The following PRELID2 variants were observed in gnomAD, a reference collection of about 807,000 sequenced individuals.
PRELID2 encodes PRELI domain-containing protein 2.
PRELID2 carries 25 observed loss-of-function variants against 28.4 expected under a neutral mutation model. That is an observed-to-expected ratio of 0.88 (90% confidence interval 0.64 to 1.23). PRELID2 has a LOEUF of 1.23. Ranked by LOEUF, PRELID2 falls within the 50% of genes most tolerant of loss-of-function variation. PRELID2 has a pLI of 0.00. For synonymous variants in PRELID2, 76 were observed against 71.6 expected, an observed-to-expected ratio of 1.06 and a Z score of -0.31; for missense variants, 201 against 214.4, an observed-to-expected ratio of 0.94 and a Z score of 0.39.
chr5:145,661,301 CT>C (rs1754488090), intron 1 of PRELID2, among the ~76,000 whole-genome samples: 1 of 152,138 alleles, frequency 6.6e-6, no homozygotes, highest in Non-Finnish European at 1.5e-5. Context: ...CATACGGTCT[CT>C]TTTGGCACCA....
intron 1 of PRELID2, among the ~76,000 whole-genome samples, chr5:145,623,099 T>C (rs550289565): frequency 9.9e-5 from 15 of 152,036 alleles, no homozygotes; most frequent in Middle Eastern, 3.4e-3. Context: ...AATAATAAGA[T>C]AGTTTGGTGG....
the PRELID2 span, among the ~76,000 whole-genome samples, chr5:145,374,483 T>C: frequency 1.3e-5 from 2 of 152,070 alleles, no homozygotes; most frequent in South Asian, 2.1e-4. Flanking sequence ...TCATGGAGTA[T>C]CTTAGTGGTT....
At chr5:145,585,481 T>G (rs1379176742) in intron 1 of PRELID2, among the ~76,000 whole-genome samples, 1 of 152,112 alleles carries the variant, frequency 6.6e-6, no homozygotes, top group Non-Finnish European at 1.5e-5. Context: ...ATAACAATAA[T>G]TAATAGTTAA....
At chr5:145,579,034 G>T (rs1438224036) in intron 1 of PRELID2, among the ~76,000 whole-genome samples, 1 of 151,974 alleles carries the variant, frequency 6.6e-6, no homozygotes, top group Non-Finnish European at 1.5e-5. Context: ...TCAGTTGTAT[G>T]GGCCATGAGT....
chr5:145,640,268 C>T (rs978169542), intron 1 of PRELID2, among the ~76,000 whole-genome samples: 2 of 151,918 alleles, frequency 1.3e-5, no homozygotes, highest in African/African-American at 4.8e-5. Flanking sequence ...GGGCGGATCA[C>T]GAGGTCAGGA....
chr5:145,247,183 A>G, the PRELID2 span, among the ~76,000 whole-genome samples: 8 of 152,052 alleles, frequency 5.3e-5, no homozygotes, highest in African/African-American at 1.9e-4. Context: ...CAGCAAGAAA[A>G]CTTCACTTTG....
At chr5:145,794,342 T>C (rs1193359562) in intron 5 of PRELID2, among the ~76,000 whole-genome samples, 3 of 152,186 alleles carry the variant, frequency 2.0e-5, no homozygotes, top group Admixed American at 6.6e-5. Context: ...TTCTGTTACT[T>C]GCAACCAAAT....
chr5:145,591,599 T>C (rs1753227882), intron 1 of PRELID2, among the ~76,000 whole-genome samples: 1 of 152,100 alleles, frequency 6.6e-6, no homozygotes, highest in Non-Finnish European at 1.5e-5. Flanking sequence ...CTGACAAAAA[T>C]GTTCAGGCTT....
At chr5:145,725,079 A>G (rs1262145021) in intron 1 of PRELID2, among the ~76,000 whole-genome samples, 1 of 152,016 alleles carries the variant, frequency 6.6e-6, no homozygotes, top group Non-Finnish European at 1.5e-5. Context: ...CTGTTTGACA[A>G]TAATATGAAC....
At chr5:145,332,627 A>C in the PRELID2 span, among the ~76,000 whole-genome samples, 3 of 151,914 alleles carry the variant, frequency 2.0e-5, no homozygotes, top group Non-Finnish European at 2.9e-5. Context: ...CAGGTCATTT[A>C]TGTTCTTCTC....
At chr5:145,831,750 C>T (rs1046746166) in intron 1 of PRELID2, among the ~76,000 whole-genome samples, 2 of 152,200 alleles carry the variant, frequency 1.3e-5, no homozygotes, top group Non-Finnish European at 2.9e-5. Flanking sequence ...GTTCTGCCTT[C>T]CATTTCCCAG....
chr5:145,824,302 C>T (rs917733356), intron 1 of PRELID2, among the ~76,000 whole-genome samples: 4 of 152,098 alleles, frequency 2.6e-5, no homozygotes, highest in African/African-American at 9.7e-5. Context: ...AAGGCAAAAG[C>T]AGCAGGCAGG....
chr5:145,696,798 T>C (rs1368071085), intron 1 of PRELID2, among the ~76,000 whole-genome samples: 1 of 151,908 alleles, frequency 6.6e-6, no homozygotes. Flanking sequence ...ATTACAGTTC[T>C]TAACATTCCC....
At chr5:145,748,895 A>G (rs1472151466) in intron 1 of PRELID2, among the ~76,000 whole-genome samples, 1 of 152,184 alleles carries the variant, frequency 6.6e-6, no homozygotes, top group Non-Finnish European at 1.5e-5. Flanking sequence ...TATTTAATAA[A>G]TGGTGCTAGG....
the PRELID2 span, among the ~76,000 whole-genome samples, chr5:145,239,263 T>C: frequency 5.3e-5 from 8 of 152,006 alleles, no homozygotes; most frequent in African/African-American, 1.7e-4. Flanking sequence ...AATGAGCAAT[T>C]AAATGTTAAA....
At chr5:145,701,670 T>C (rs1755410013) in intron 1 of PRELID2, among the ~76,000 whole-genome samples, 1 of 152,238 alleles carries the variant, frequency 6.6e-6, no homozygotes, top group African/African-American at 2.4e-5. Context: ...AAATGACCTG[T>C]AAATCATTAT....
chr5:145,454,476 G>C, the PRELID2 span, among the ~76,000 whole-genome samples: 1 of 152,188 alleles, frequency 6.6e-6, no homozygotes, highest in African/African-American at 2.4e-5. Context: ...ATTAGGAAAA[G>C]AGGAAGTCAA....
At position 145,744,862 on chromosome 5, in the gene PRELID2, T is replaced by A. The variant is rs192034444; in HGVS notation, n.70+20069A>T. Among the ~76,000 whole-genome samples the A allele has an allele frequency of 4.0e-3, 606 of 152,006 alleles. 7 individuals are homozygous for A. Among genetic ancestry groups the A allele is most frequent in the Admixed American group, 3.8e-3 (58 of 15,252 alleles). On this transcript the variant is annotated intron_variant and non_coding_transcript_variant, in intron 1 of 2. Transcript: ENST00000510259. ...GTGCATAATTGGACAGGGGATGAGA[T>A]GGAAGAATTGACAGAAGTAGGTTTC...
chr5:145,661,322 T>C (rs555099572), intron 1 of PRELID2, among the ~76,000 whole-genome samples: 20 of 152,288 alleles, frequency 1.3e-4, no homozygotes, highest in Non-Finnish European at 2.2e-4. Context: ...AGCTTAATGG[T>C]ATGCTATGTA....
Sources: allele counts gnomAD v4.1 joint callset (sites outside exome capture counted in the v4.1 genomes callset), GRCh38; gene constraint gnomAD v4.1.1; transcripts MANE v1.5; gene names NCBI Gene and HGNC (gene_info 2026-07-23, HGNC 2026-07-21).